Variants in BAIAP2L2 observed in about 807,000 individuals in gnomAD.
BAIAP2L2 encodes the protein BAR/IMD domain containing adaptor protein 2 like 2, also known as BAR/IMD domain-containing adapter protein 2-like 2.
In BAIAP2L2, 65 loss-of-function variants were observed where a neutral mutation model predicts 60.4. That is an observed-to-expected ratio of 1.08 (90% CI 0.88 to 1.32). BAIAP2L2 has a LOEUF of 1.32. Ranked by LOEUF, BAIAP2L2 falls within the 40% of genes most tolerant of loss-of-function variation. BAIAP2L2 has a pLI of 0.00. For synonymous variants in BAIAP2L2, 344 were observed against 301.7 expected (o/e 1.14, Z -1.45); for missense variants, 836 against 741.2 (o/e 1.13, Z -1.48).
At chr22:38,107,334 G>A (rs997962682) in intron 4 of BAIAP2L2, among the ~76,000 whole-genome samples, 1 of 152,178 alleles carries the variant, frequency 6.6e-6, no homozygotes, top group African/African-American at 2.4e-5. Flanking sequence ...CAGCAGCCCC[G>A]CAGCGGGGAC....
rs1385535777 is a variant in BAIAP2L2, at chr22:38,107,878, GC to G, written c.249del (p.His84ThrfsTer2). ...ACCACCTCCAGGTCAGAGTTCAAGT[GC>G]CGCTGGGTGTCAGACATCTGCACCA... is the stretch of plus-strand genomic sequence containing the variant. ...EILVQMSDTQ[R>X]HLNSDLEVVV... On this transcript the variant is annotated frameshift_variant, in exon 4 of 14. Coordinates refer to ENST00000381669, the MANE Select transcript of BAIAP2L2 (RefSeq NM_025045.6). LOFTEE classifies it high-confidence loss of function. 3 of 1,613,450 alleles carry G rather than the reference GC, an allele frequency of 1.9e-6. No homozygotes were observed. Among genetic ancestry groups the G allele is most frequent in the Non-Finnish European group, 2.5e-6 (3 of 1,179,980 alleles).
chr22:38,085,789 G>T, intron 12 of BAIAP2L2, 57 bp from the exon 13 acceptor site: 2 of 1,460,406 alleles, frequency 1.4e-6, no homozygotes, highest in Non-Finnish European at 1.9e-6. Context: ...GCAATCCCTT[G>T]CTCCTCCCCT....
intron 1 of BAIAP2L2, 61 bp from the exon 2 acceptor site, chr22:38,109,269 G>C: frequency 7.3e-7 from 1 of 1,377,520 alleles, no homozygotes; most frequent in Admixed American, 1.7e-5. Context: ...AAGGAACCAC[G>C]GATGGAGTCA....
At position 38,087,108 on chromosome 22, in the gene BAIAP2L2, C is replaced by G; in HGVS notation, c.1259+16G>C. On this transcript the variant is annotated intron_variant, in intron 11 of 13. Coordinates refer to ENST00000381669, the MANE Select transcript of BAIAP2L2 (RefSeq NM_025045.6). Reference sequence around the variant, plus strand: ...CGGCGTCCTCACCCCCGCCCCACCCCTGATGACTCAGGTACCTGGAAGGCA... The same window carrying G: ...CGGCGTCCTCACCCCCGCCCCACCCGTGATGACTCAGGTACCTGGAAGGCA... 1 of 1,546,888 alleles carries G rather than the reference C, an allele frequency of 6.5e-7. No homozygotes were observed. The highest frequency in any genetic ancestry group is 8.7e-7 in the Non-Finnish European group (1 of 1,148,928).
intron 4 of BAIAP2L2, among the ~76,000 whole-genome samples, chr22:38,100,099 C>T (rs1242227646): frequency 6.6e-6 from 1 of 152,078 alleles, no homozygotes; most frequent in East Asian, 1.9e-4. Flanking sequence ...GGAAGTGGCA[C>T]GTAGGTTTCC....
At chr22:38,104,473 G>C (rs4821738) in intron 4 of BAIAP2L2, among the ~76,000 whole-genome samples, 6 of 151,392 alleles carry the variant, frequency 4.0e-5, no homozygotes, top group Admixed American at 1.3e-4. Context: ...GGGGAACCCG[G>C]AGGTTCGAAG....
chr22:38,107,163 C>T (rs985076353), intron 4 of BAIAP2L2, among the ~76,000 whole-genome samples: 3 of 152,134 alleles, frequency 2.0e-5, no homozygotes, highest in East Asian at 1.9e-4. Flanking sequence ...GAACCCACCA[C>T]GAGCTAAGAA....
At chr22:38,109,262 G>C in intron 1 of BAIAP2L2, 54 bp from the exon 2 acceptor site, 1 of 1,427,354 alleles carries the variant, frequency 7.0e-7, no homozygotes. Context: ...GAGCGAGAAG[G>C]AACCACGGAT....
In BAIAP2L2 at chr22:38,086,444, T is replaced by G. The variant is rs937262722; in HGVS notation, c.1265A>C (p.Tyr422Ser). The change falls in exon 12 of 14, where the codon TAC becomes TCC. Residue 422 changes from tyrosine (Y) to serine (S), a missense_variant. Transcript: ENST00000381669. ...NPGNELPSRS[Y>S]PLRGSHSLDD... ...GAGGCTGTGGCTGCCCCGGAGTGGGTAGGACCTAAGTCCAGAGAAAGGAGG... is the reference window on the plus strand; with the variant it reads ...GAGGCTGTGGCTGCCCCGGAGTGGGGAGGACCTAAGTCCAGAGAAAGGAGG... 6.0e-6 allele frequency: 9 copies of G among 1,498,244 alleles called. No individual in the cohort carries two copies. Among genetic ancestry groups the G allele is most frequent in the Non-Finnish European group, 8.1e-6 (9 of 1,117,524 alleles). 92.8% of individuals were successfully genotyped at this position (1,498,244 alleles called of 1,614,324 possible). A position where few individuals can be genotyped will look rare whatever the true frequency, so the allele number is the denominator to read the frequency against.
In BAIAP2L2 at chr22:38,098,094, C is replaced by A. The variant is rs367764330; in HGVS notation, c.434G>T (p.Arg145Leu). ...KCMSELWRMERKRDKNVREMK... is the reference protein window; with the variant it reads ...KCMSELWRMELKRDKNVREMK... ...CTCCCGCACGTTCTTGTCTCTCTTG[C>A]GCTCCATGCGCCACAGCTCAGACAT... Residue 145 changes from arginine (R) to leucine (L), a missense_variant, in exon 6 of 14, where the codon CGC becomes CTC. Physicochemically the swap from Arg to Leu is moderately radical, Grantham distance 102. Coordinates refer to ENST00000381669, the MANE Select transcript of BAIAP2L2 (RefSeq NM_025045.6). The A allele has an allele frequency of 3.1e-6, 5 of 1,606,306 alleles. No homozygotes were observed. Among genetic ancestry groups the A allele is most frequent in the African/African-American group, 2.7e-5 (2 of 74,664 alleles).
chr22:38,102,925 G>A (rs562924721), intron 4 of BAIAP2L2, among the ~76,000 whole-genome samples: 38 of 151,724 alleles, frequency 2.5e-4, no homozygotes, highest in African/African-American at 8.0e-4. Flanking sequence ...AGGCGCCTGT[G>A]GTCCCAGCTA....
intron 1 of BAIAP2L2, 142 bp from the exon 2 acceptor site, chr22:38,109,350 C>T: frequency 3.0e-6 from 2 of 658,762 alleles, no homozygotes; most frequent in Non-Finnish European, 5.3e-6. Flanking sequence ...GGCCCATCTA[C>T]AAACCTAGGC....
intron 2 of BAIAP2L2, among the ~76,000 whole-genome samples, chr22:38,108,744 G>A (rs2086723337): frequency 6.6e-6 from 1 of 152,110 alleles, no homozygotes; most frequent in Non-Finnish European, 1.5e-5. Flanking sequence ...CAGCTGCTGT[G>A]TGAGCCTGGG....
intron 12 of BAIAP2L2, 48 bp from the exon 13 acceptor site, chr22:38,085,780 C>G: frequency 1.3e-6 from 2 of 1,493,478 alleles, no homozygotes; most frequent in Non-Finnish European, 1.8e-6. Flanking sequence ...GAGGGGCAAG[C>G]AATCCCTTGC....
intron 4 of BAIAP2L2, among the ~76,000 whole-genome samples, chr22:38,099,988 G>T (rs1490053728): frequency 1.3e-5 from 2 of 152,152 alleles, no homozygotes; most frequent in Non-Finnish European, 2.9e-5. Flanking sequence ...AAACTTTGGT[G>T]CCCACTAGTC....
intron 7 of BAIAP2L2, 138 bp downstream of exon 7, chr22:38,096,894 A>G (rs904280000): frequency 9.6e-7 from 1 of 1,040,270 alleles, no homozygotes; most frequent in African/African-American, 1.6e-5. Flanking sequence ...GGATGGAGAT[A>G]GCAAAATAAA....
intron 4 of BAIAP2L2, among the ~76,000 whole-genome samples, chr22:38,104,443 AG>A (rs1232959894): frequency 6.6e-6 from 1 of 152,140 alleles, no homozygotes; most frequent in East Asian, 1.9e-4. Flanking sequence ...ACAAAGTGTA[AG>A]GAAAAGAAAC....
chr22:38,085,476 G>T, intron 13 of BAIAP2L2, 101 bp from the exon 14 acceptor site: 1 of 1,371,726 alleles, frequency 7.3e-7, no homozygotes, highest in Non-Finnish European at 1.0e-6. Context: ...CCTGCCTCCT[G>T]CCCCTATTTG....
chr22:38,107,699 T>C (rs569478654), intron 4 of BAIAP2L2, among the ~76,000 whole-genome samples, 153 bp downstream of exon 4: 1 of 152,210 alleles, frequency 6.6e-6, no homozygotes, highest in South Asian at 2.1e-4. Context: ...TGAACGACTA[T>C]TGCAGGGAAC....
Sources: gnomAD v4.1 joint callset for allele counts (sites outside exome capture counted in the v4.1 genomes callset) on GRCh38, gnomAD v4.1.1 for gene constraint, MANE v1.5 for transcripts, NCBI Gene and HGNC (gene_info 2026-07-23, HGNC 2026-07-21) for gene names.